Variants in IL16 observed in about 807,000 individuals in gnomAD.
IL16 encodes the protein pro-interleukin-16.
Under a neutral mutation model 110.1 loss-of-function variants are expected in IL16, and 67 were observed. The ratio of observed to expected loss-of-function variants is 0.61; its 90% confidence interval spans 0.50 to 0.75. IL16 has a LOEUF of 0.75. IL16 is among the 30% of genes least tolerant of loss of function. The probability of loss-of-function intolerance (pLI) is 0.00; values close to 1 mark genes in which losing one functional copy is unlikely to be tolerated. For synonymous variants in IL16, 689 were observed against 662.9 expected (o/e 1.04, Z -0.61); for missense variants, 1,545 against 1,655.0 (o/e 0.93, Z 1.15).
intron 1 of IL16, among the ~76,000 whole-genome samples, chr15:81,188,776 T>TAC (rs1895454472): frequency 3.3e-5 from 5 of 151,976 alleles, no homozygotes; most frequent in Non-Finnish European, 7.4e-5. Flanking sequence ...TCTCTTCCTC[T>TAC]TCTCATCCCT....
chr15:81,217,413 G>A lies in IL16; in HGVS notation c.-101-7886G>A, dbSNP rs567198030. 2.2e-3 allele frequency among the ~76,000 whole-genome samples: 336 copies of A among 152,170 alleles called. 3 individuals are homozygous for A. The highest frequency in any genetic ancestry group is 7.8e-3 in the African/African-American group (325 of 41,528). ...ACCAACCAAGGAAGTAATGGAAAAA[G>A]TTTCAAAGAACTACCTAAAGGGGAT... is the stretch of plus-strand genomic sequence containing the variant. On this transcript the variant is annotated intron_variant, in intron 1 of 18. Coordinates refer to ENST00000683961, the MANE Select transcript of IL16 (RefSeq NM_172217.5).
Position 81,313,388 on chromosome 15 carries a change from G to A in IL16, c.*4590G>A. On this transcript the variant is annotated 3_prime_UTR_variant, in exon 19 of 19. Coordinates refer to ENST00000683961, the MANE Select transcript of IL16 (RefSeq NM_172217.5). ...CGGTATGGAAGAATGTGACCAGGTT[G>A]GTCTTGGTGGGTTCCCTGTGAAGGC... 1.3e-6 allele frequency: 2 copies of A among 1,555,250 alleles called. No homozygotes were observed. Among genetic ancestry groups the A allele is most frequent in the Non-Finnish European group, 1.7e-6 (2 of 1,149,046 alleles).
intron 18 of IL16, among the ~76,000 whole-genome samples, chr15:81,307,534 A>G (rs1382478408): frequency 6.6e-6 from 1 of 152,228 alleles, no homozygotes; most frequent in Non-Finnish European, 1.5e-5. Context: ...GTTAACCCCA[A>G]TTCTGGGAAA....
chr15:81,244,087 A>G (rs1897448467), intron 2 of IL16, among the ~76,000 whole-genome samples: 1 of 152,152 alleles, frequency 6.6e-6, no homozygotes, highest in Admixed American at 6.5e-5. Flanking sequence ...CATTTTACCA[A>G]TTCAAGTGAA....
At chr15:81,217,202 G>A (rs1896465149) in intron 1 of IL16, among the ~76,000 whole-genome samples, 3 of 152,108 alleles carry the variant, frequency 2.0e-5, no homozygotes, top group Admixed American at 6.5e-5. Flanking sequence ...CAGAAGGGGA[G>A]GCCAACAGAA....
intron 2 of IL16, among the ~76,000 whole-genome samples, chr15:81,241,270 A>C (rs1480869822): frequency 6.6e-6 from 1 of 152,018 alleles, no homozygotes; most frequent in African/African-American, 2.4e-5. Flanking sequence ...AGATATACTT[A>C]TTTATTTGAG....
intron 2 of IL16, among the ~76,000 whole-genome samples, chr15:81,258,361 A>G (rs1446230128): frequency 6.6e-6 from 1 of 152,170 alleles, no homozygotes; most frequent in South Asian, 2.1e-4. Flanking sequence ...TACATACTCA[A>G]TACTATAAAA....
upstream of IL16, among the ~76,000 whole-genome samples, chr15:81,195,026 C>A (rs1469739083): frequency 6.6e-6 from 1 of 152,114 alleles, no homozygotes; most frequent in East Asian, 1.9e-4. Context: ...GAGACTCTTT[C>A]TGCAGGATGT....
chr15:81,259,732 T>C (rs779189537), intron 2 of IL16, 40 bp from the exon 3 acceptor site: 3 of 1,438,552 alleles, frequency 2.1e-6, no homozygotes, highest in South Asian at 2.3e-5. Context: ...AAGTTTTCTA[T>C]TCTAACTTGC....
intron 2 of IL16, among the ~76,000 whole-genome samples, chr15:81,231,332 C>CTCTCTCTG: frequency 9.3e-6 from 1 of 107,390 alleles, no homozygotes; most frequent in Admixed American, 8.9e-5. Flanking sequence ...CTGTCTCTCT[C>CTCTCTCTG]TCTCTCTCTC....
intron 2 of IL16, among the ~76,000 whole-genome samples, chr15:81,234,926 T>A (rs1280673178): frequency 6.6e-6 from 1 of 152,264 alleles, no homozygotes; most frequent in African/African-American, 2.4e-5. Flanking sequence ...CTCAGAGTTT[T>A]CCACTGGAAG....
chr15:81,195,526 C>T (rs1895574897), upstream of IL16, among the ~76,000 whole-genome samples: 2 of 152,188 alleles, frequency 1.3e-5, no homozygotes, highest in Admixed American at 1.3e-4. Flanking sequence ...CCTGTGCCTG[C>T]TGACAAAGGC....
Position 81,300,234 on chromosome 15 carries a change from A to T in IL16, c.2908A>T (p.Thr970Ser). ...CCAGCGAGCACGGAGCTTCCCCCTG[A>T]CCAGGTCCCAGTCCTGTGAGACGAA... ...PSQRARSFPLTRSQSCETKLL... is the reference protein window; with the variant it reads ...PSQRARSFPLSRSQSCETKLL... Residue 970 changes from threonine (T) to serine (S), a missense_variant, in exon 14 of 19, where the codon ACC becomes TCC. Physicochemically the swap from Thr to Ser is moderately conservative, Grantham distance 58 (BLOSUM62 1). This residue lies in a region of IL16 where 1,185 missense variants were observed against 1,238.8 expected (regional missense o/e 0.96). Transcript: ENST00000683961. 3 of 1,614,226 alleles carry T rather than the reference A, an allele frequency of 1.9e-6. No homozygotes were observed. Among genetic ancestry groups the T allele is most frequent in the African/African-American group, 1.3e-5 (1 of 75,056 alleles).
At chr15:81,265,163 C>T (rs1396246235) in intron 3 of IL16, among the ~76,000 whole-genome samples, 1 of 152,220 alleles carries the variant, frequency 6.6e-6, no homozygotes, top group African/African-American at 2.4e-5. Flanking sequence ...CAAGAGTTGT[C>T]TCCGTGTGTG....
chr15:81,232,042 G>GTTTT, intron 2 of IL16, among the ~76,000 whole-genome samples: 13 of 57,694 alleles, frequency 2.3e-4, no homozygotes, highest in South Asian at 5.7e-4. Context: ...ATTTGTTCTT[G>GTTTT]TTTTTTTTTT....
intron 1 of IL16, among the ~76,000 whole-genome samples, chr15:81,221,676 C>A (rs1326551941): frequency 7.2e-6 from 1 of 139,272 alleles, no homozygotes; most frequent in Non-Finnish European, 1.5e-5. Flanking sequence ...CAATTGTTCT[C>A]TTCCTTTAAA....
At chr15:81,259,949 G>A in intron 3 of IL16, 69 bp downstream of exon 3, 3 of 978,478 alleles carry the variant, frequency 3.1e-6, no homozygotes, top group South Asian at 2.6e-5. Context: ...ACTATTGGGA[G>A]GATAGCGGCT....
chr15:81,207,293 T>A (rs2141977829), intron 1 of IL16, among the ~76,000 whole-genome samples: 1 of 149,870 alleles, frequency 6.7e-6, no homozygotes, highest in South Asian at 2.1e-4. Flanking sequence ...GAAATTTACA[T>A]CCAATATTTC....
chr15:81,195,335 T>C (rs1895569379), upstream of IL16, among the ~76,000 whole-genome samples: 2 of 152,162 alleles, frequency 1.3e-5, no homozygotes, highest in Admixed American at 1.3e-4. Context: ...TCAGCCTCTC[T>C]GCCAGAGCAA....
Sources: allele counts gnomAD v4.1 joint callset (sites outside exome capture counted in the v4.1 genomes callset), GRCh38; gene constraint gnomAD v4.1.1; regional missense constraint gnomAD v4.1.1; transcripts MANE v1.5; gene names NCBI Gene and HGNC (gene_info 2026-07-23, HGNC 2026-07-21).